CTTNBP2: variants seen among roughly 807,000 people sequenced by gnomAD.
CTTNBP2 encodes the protein cortactin-binding protein 2.
CTTNBP2 carries 108 observed loss-of-function variants against 156.9 expected under a neutral mutation model. The ratio of observed to expected loss-of-function variants is 0.69; its 90% confidence interval spans 0.59 to 0.81. The LOEUF is 0.81. Among genes scored for constraint, CTTNBP2 ranks in the 30% least tolerant of loss-of-function variants. The pLI, the probability that CTTNBP2 is intolerant of heterozygous loss-of-function variation, is 0.00. For missense variants in CTTNBP2, 1,924 were observed against 2,035.4 expected (o/e 0.95, Z 1.05); for synonymous variants, 767 against 751.8 (o/e 1.02, Z -0.33).
chr7:117,735,582 C>A (rs984882481), intron 14 of CTTNBP2, among the ~76,000 whole-genome samples, 161 bp from the exon 15 acceptor site: 1 of 152,086 alleles, frequency 6.6e-6, no homozygotes, highest in Non-Finnish European at 1.5e-5. Context: ...GAAAACTGTT[C>A]GGTATTATTT....
intron 9 of CTTNBP2, 149 bp from the exon 10 acceptor site, chr7:117,760,859 T>G: frequency 2.3e-5 from 14 of 596,340 alleles, no homozygotes; most frequent in Non-Finnish European, 2.6e-5. Flanking sequence ...TTGAACGTTC[T>G]TACACTGGAG....
chr7:117,732,950 T>A (rs918060632), intron 16 of CTTNBP2, among the ~76,000 whole-genome samples: 1 of 152,238 alleles, frequency 6.6e-6, no homozygotes, highest in African/African-American at 2.4e-5. Context: ...CTTTTATATT[T>A]TTTAAGCTAC....
At chr7:117,840,214 G>A (rs964763632) in intron 2 of CTTNBP2, among the ~76,000 whole-genome samples, 2 of 152,108 alleles carry the variant, frequency 1.3e-5, no homozygotes, top group Non-Finnish European at 2.9e-5. Context: ...TAGCCTAGAA[G>A]GGAGAAAAAT....
intron 16 of CTTNBP2, among the ~76,000 whole-genome samples, chr7:117,733,329 G>GA (rs561396189): frequency 0.01 from 1,564 of 152,262 alleles, 29 homozygotes; most frequent in African/African-American, 0.036. Context: ...AAACGCAATG[G>GA]AAAAGAGAGT....
At chr7:117,746,211 T>TGTTTTTAATCTTTTG in intron 12 of CTTNBP2, 112 bp from the exon 13 acceptor site, 1 of 705,166 alleles carries the variant, frequency 1.4e-6, no homozygotes, top group Non-Finnish European at 2.5e-6. Context: ...TTCAAAAGAT[T>TGTTTTTAATCTTTTG]AAAAACAATA....
intron 8 of CTTNBP2, among the ~76,000 whole-genome samples, chr7:117,773,027 A>G (rs1343015242): frequency 2.0e-5 from 3 of 152,236 alleles, no homozygotes; most frequent in Non-Finnish European, 4.4e-5. Flanking sequence ...ATTAATAGAA[A>G]AAAAGGAAAT....
At chr7:117,783,324 G>A (rs527837873) in intron 5 of CTTNBP2, among the ~76,000 whole-genome samples, 1 of 152,228 alleles carries the variant, frequency 6.6e-6, no homozygotes, top group East Asian at 1.9e-4. Context: ...GTTCCTGGAT[G>A]GAGAATCAAA....
chr7:117,792,344 C>T lies in CTTNBP2; in HGVS notation c.852G>A (p.Lys284=), dbSNP rs375242141. 6.2e-7 allele frequency: 1 copy of T among 1,614,152 alleles called. No individual in the cohort carries two copies. The highest frequency in any genetic ancestry group is 8.5e-7 in the Non-Finnish European group (1 of 1,180,032). The change falls in exon 4 of 23, where the codon AAG becomes AAA. Residue 284 remains lysine, a synonymous_variant. Transcript: ENST00000160373. This position sits in a 1 kb window ranked among gnomAD's most constrained non-coding sequence, Gnocchi z 4.2. ...TGGAAACCAAACGCCTATCTTTTGT[C>T]TTCCGTGGAAGAGAGAGGCTTGGTT... ...DSKPSLSLPR[K]TKDRRLVSIS...
At chr7:117,745,335 G>A (rs1006699535) in intron 14 of CTTNBP2, among the ~76,000 whole-genome samples, 22 of 152,190 alleles carry the variant, frequency 1.4e-4, no homozygotes. Context: ...ATTAGTGCAT[G>A]TGATGTATTT....
At position 117,724,561 on chromosome 7, in the gene CTTNBP2, T is replaced by G; in HGVS notation, c.4433A>C (p.Asp1478Ala). Residue 1478 changes from aspartate to alanine, a missense_variant, in exon 19 of 23, where the codon GAC becomes GCC. Transcript: ENST00000160373. ...CCGCCCTTTACCTTCAGTGCTTAGG[T>G]CTGGCTTATTCCAGGTGGGTAAAGA... ...RFSLPTWNKP[D>A]LSTEGMKNKT... 6.2e-7 allele frequency: 1 copy of G among 1,613,454 alleles called. No individual in the cohort carries two copies. Among genetic ancestry groups the G allele is most frequent in the East Asian group, 2.2e-5 (1 of 44,884 alleles).
At position 117,792,639 on chromosome 7, in the gene CTTNBP2, A is replaced by G; in HGVS notation, c.557T>C (p.Ile186Thr). 6.2e-7 allele frequency: 1 copy of G among 1,613,956 alleles called. No individual in the cohort carries two copies. Among genetic ancestry groups the G allele is most frequent in the Non-Finnish European group, 8.5e-7 (1 of 1,180,018 alleles). ...KECKQLSGKV[I>T]EEAQKLEDVM... ...GTCTTCGAGCTTCTGGGCCTCCTCT[A>G]TGACTTTGCCTGAGAGCTGCTTGCA... Residue 186 changes from isoleucine (I) to threonine (T), a missense_variant, in exon 4 of 23, where the codon ATA (isoleucine) becomes ACA (threonine). By Grantham distance (89) the Ile-to-Thr change is moderately conservative. Coordinates refer to ENST00000160373, the MANE Select transcript of CTTNBP2 (RefSeq NM_033427.3). The surrounding 1 kb of genome is among the most constrained non-coding windows in gnomAD (Gnocchi z 4.2).
At chr7:117,807,664 A>T (rs1251743791) in intron 3 of CTTNBP2, among the ~76,000 whole-genome samples, 1 of 152,144 alleles carries the variant, frequency 6.6e-6, no homozygotes, top group Non-Finnish European at 1.5e-5. Flanking sequence ...GTAATGAGTG[A>T]TACAAAAAAG....
intron 6 of CTTNBP2, among the ~76,000 whole-genome samples, chr7:117,781,884 G>T (rs1335558409): frequency 3.9e-5 from 6 of 152,202 alleles, no homozygotes; most frequent in African/African-American, 1.2e-4. Flanking sequence ...AAAAAGCACA[G>T]CTCAGGAGAA....
chr7:117,712,873 C>A lies in CTTNBP2; in HGVS notation c.4747-1091G>T, dbSNP rs1794134636. Reference sequence around the variant, plus strand: ...AACGCCTAGCTTAACTCCTCACTATCCTTTTTCTCCATTGAGCAATTAAAT... The same window carrying A: ...AACGCCTAGCTTAACTCCTCACTATACTTTTTCTCCATTGAGCAATTAAAT... On this transcript the variant is annotated intron_variant, in intron 22 of 22. Transcript: ENST00000160373. 2.6e-5 allele frequency among the ~76,000 whole-genome samples: 4 copies of A among 152,292 alleles called. No individual in the cohort carries two copies. The South Asian group carries it at 8.3e-4, about 32-fold the overall frequency.
chr7:117,754,550 A>G (rs1796787879), intron 12 of CTTNBP2, among the ~76,000 whole-genome samples: 1 of 152,274 alleles, frequency 6.6e-6, no homozygotes, highest in Admixed American at 6.5e-5. Flanking sequence ...ACAAAAATAC[A>G]TAACACAGGG....
At chr7:117,828,601 A>G (rs1455770135) in intron 2 of CTTNBP2, among the ~76,000 whole-genome samples, 1 of 152,228 alleles carries the variant, frequency 6.6e-6, no homozygotes, top group South Asian at 2.1e-4. Context: ...AGTGTAGTGC[A>G]TAGGTTAATT....
intron 16 of CTTNBP2, among the ~76,000 whole-genome samples, chr7:117,729,050 GAGA>G (rs1250343601): frequency 1.3e-5 from 2 of 152,222 alleles, no homozygotes; most frequent in Admixed American, 1.3e-4. Context: ...TAGAGGAAGG[GAGA>G]AGGAGGGTAG....
chr7:117,787,721 A>G (rs1563006449), intron 4 of CTTNBP2, among the ~76,000 whole-genome samples: 1 of 152,210 alleles, frequency 6.6e-6, no homozygotes, highest in Non-Finnish European at 1.5e-5. Flanking sequence ...AAAATTTAAC[A>G]TTTGGCTATA....
rs531538388 is a variant in CTTNBP2, at chr7:117,813,381, G to A, written c.190-2392C>T. ...ACAGCACAGCATTTAACCAGACAAG[G>A]GGCCCTTCTAAATGCATGGCCTTTG... On this transcript the variant is annotated intron_variant, in intron 2 of 22. Transcript: ENST00000160373. 2.0e-5 allele frequency among the ~76,000 whole-genome samples: 3 copies of A among 152,084 alleles called. No homozygotes were observed. The East Asian group carries it at 5.8e-4, about 29-fold the overall frequency.
Sources: allele counts gnomAD v4.1 joint callset (sites outside exome capture counted in the v4.1 genomes callset), GRCh38; gene constraint gnomAD v4.1.1; non-coding constraint Gnocchi (gnomAD v3.1); transcripts MANE v1.5; gene names NCBI Gene and HGNC (gene_info 2026-07-23, HGNC 2026-07-21).